The following FAM193A variants were observed in gnomAD, a reference collection of about 807,000 sequenced individuals.
FAM193A encodes family with sequence similarity 193 member A.
A neutral mutation model predicts 126.5 loss-of-function variants in FAM193A; 22 were observed. That is an observed-to-expected ratio of 0.17 (90% CI 0.12 to 0.25). FAM193A has a LOEUF of 0.25. FAM193A is among the 10% of genes least tolerant of loss of function. The pLI, the probability that FAM193A is intolerant of heterozygous loss-of-function variation, is 1.00. For synonymous variants in FAM193A, 761 were observed against 646.8 expected, an observed-to-expected ratio of 1.18 and a Z score of -2.68; for missense variants, 1,675 against 1,672.8, an observed-to-expected ratio of 1.00 and a Z score of -0.02.
chr4:2,611,194 G>C (rs1445763344), intron 2 of FAM193A, among the ~76,000 whole-genome samples: 2 of 152,292 alleles, frequency 1.3e-5, no homozygotes, highest in East Asian at 3.9e-4. Context: ...GATATTGGCA[G>C]TCTTTACTTA....
intron 12 of FAM193A, among the ~76,000 whole-genome samples, chr4:2,668,245 G>A (rs1713361395): frequency 7.3e-6 from 1 of 137,472 alleles, no homozygotes; most frequent in South Asian, 2.3e-4. Context: ...ACAGAGTCTC[G>A]CTCTGTCACC....
At chr4:2,640,822 G>A (rs1251709105) in intron 6 of FAM193A, among the ~76,000 whole-genome samples, 3 of 151,770 alleles carry the variant, frequency 2.0e-5, no homozygotes, top group Admixed American at 2.0e-4. Flanking sequence ...AAAATTAGCC[G>A]GGCTTGGTGG....
rs1342945609 is a variant in FAM193A at position 2,659,871 on chromosome 4, C to A, written c.1562C>A (p.Pro521His). 1 of 1,614,092 alleles carries A rather than the reference C, an allele frequency of 6.2e-7. No homozygotes were observed. Among genetic ancestry groups the A allele is most frequent in the Admixed American group, 1.7e-5 (1 of 60,026 alleles). Residue 521 changes from proline to histidine, a missense_variant, in exon 10 of 21, where the codon CCC becomes CAC. Around this residue, in one of 4 missense-constraint regions of FAM193A, gnomAD observed 1,186 missense variants for 1,109.2 expected, o/e 1.07. Transcript: ENST00000637812. Reference protein sequence around the residue: ...HILTCGIMDPPVTDDIHIHQL... With the variant: ...HILTCGIMDPHVTDDIHIHQL... ...CTCACGTGTGGTATCATGGACCCCCCCGTCACTGATGACATCCACATTCAC... is the reference window on the plus strand; with the variant it reads ...CTCACGTGTGGTATCATGGACCCCCACGTCACTGATGACATCCACATTCAC...
rs1170025017 is a variant in FAM193A at position 2,606,045 on chromosome 4, CTTTTT to C, written c.501+9735_501+9739del. ...CGTGTTTTGTATATTTTGCAAACCT[CTTTTT>C]TTTTTTTTTTTTTTTTTTGAGACAG... On this transcript the variant is annotated intron_variant, in intron 2 of 20. Coordinates refer to ENST00000637812, the MANE Select transcript of FAM193A (RefSeq NM_001366318.2). Among the ~76,000 whole-genome samples, 20 of 61,006 alleles carry C rather than the reference CTTTTT, an allele frequency of 3.3e-4. 1 individual carries two copies. Among genetic ancestry groups the C allele is most frequent in the East Asian group, 1.2e-3 (2 of 1,706 alleles). The allele number at this position is 61,006 out of a possible 152,430, so 40.0% of individuals were successfully genotyped here.
rs1577161921 is a variant in FAM193A at position 2,663,190 on chromosome 4, C to T, written c.1981C>T (p.Pro661Ser). ...EADGESSGEP[P>S]GAPKEDGVLG... Reference sequence around the variant, plus strand: ...GGACGGCGAGAGTAGTGGGGAGCCCCCAGGGGCCCCGAAGGAAGATGGAGT... The same window carrying T: ...GGACGGCGAGAGTAGTGGGGAGCCCTCAGGGGCCCCGAAGGAAGATGGAGT... Residue 661 changes from proline to serine, a missense_variant, in exon 12 of 21, where the codon CCA becomes TCA. Coordinates refer to ENST00000637812, the MANE Select transcript of FAM193A (RefSeq NM_001366318.2). 1 of 1,614,150 alleles carries T rather than the reference C, an allele frequency of 6.2e-7. No homozygotes were observed. The highest frequency in any genetic ancestry group is 8.5e-7 in the Non-Finnish European group (1 of 1,180,028).
intron 19 of FAM193A, 82 bp downstream of exon 19, chr4:2,700,626 G>T: frequency 6.6e-7 from 1 of 1,514,136 alleles, no homozygotes; most frequent in Non-Finnish European, 8.9e-7. Flanking sequence ...AAAACACTGG[G>T]TTTGGCATGC....
chr4:2,552,187 A>G (rs1476740935), intron 1 of FAM193A, among the ~76,000 whole-genome samples: 2 of 151,472 alleles, frequency 1.3e-5, no homozygotes, highest in Non-Finnish European at 2.9e-5. Context: ...AATTTTTTGT[A>G]TTTTTAGTAG....
chr4:2,659,302 G>A (rs1176288068), intron 8 of FAM193A, among the ~76,000 whole-genome samples: 1 of 152,162 alleles, frequency 6.6e-6, no homozygotes, highest in African/African-American at 2.4e-5. Context: ...TGCATCAGGT[G>A]TGTGCTGTGA....
intron 15 of FAM193A, 88 bp from the exon 16 acceptor site, chr4:2,693,498 G>A: frequency 8.1e-7 from 1 of 1,236,600 alleles, no homozygotes. Context: ...GGATGAATGG[G>A]TACTCTTTGT....
At chr4:2,620,836 C>CAAAAAAAAAAAAAAAAAAAAAAAAAAA (rs34305537) in intron 2 of FAM193A, among the ~76,000 whole-genome samples, 6 of 69,090 alleles carry the variant, frequency 8.7e-5, no homozygotes, top group African/African-American at 1.2e-4. Flanking sequence ...AACTCCGTCT[C>CAAAAAAAAAAAAAAAAAAAAAAAAAAA]AAAAAAAAAA....
In FAM193A at chr4:2,631,153, C is replaced by T; in HGVS notation, c.1022C>T (p.Thr341Ile). The T allele has an allele frequency of 4.4e-6, 7 of 1,609,090 alleles. No homozygotes were observed. Among genetic ancestry groups the T allele is most frequent in the East Asian group, 2.2e-5 (1 of 44,784 alleles). ...ALCQAARSIS[T>I]FLGTLENEHL... Reference sequence around the variant, plus strand: ...TGCCAGGCCGCACGCTCCATCAGCACCTTCCTTGGCACTCTGGTAAGAGAG... The same window carrying T: ...TGCCAGGCCGCACGCTCCATCAGCATCTTCCTTGGCACTCTGGTAAGAGAG... Residue 341 changes from threonine to isoleucine, a missense_variant, in exon 5 of 21, where the codon ACC (threonine) becomes ATC (isoleucine). Thr to Ile is a moderately conservative substitution (Grantham distance 89). Coordinates refer to ENST00000637812, the MANE Select transcript of FAM193A (RefSeq NM_001366318.2).
intron 2 of FAM193A, among the ~76,000 whole-genome samples, chr4:2,622,797 G>A (rs371710287): frequency 2.5e-4 from 38 of 152,014 alleles, no homozygotes; most frequent in African/African-American, 7.5e-4. Flanking sequence ...TTCCATTCAC[G>A]AAGACTCCGA....
In FAM193A at chr4:2,696,574, C is replaced by A. The variant is rs750788811; in HGVS notation, c.3488C>A (p.Ala1163Glu). ...PVSSTRAAKRARHKQRKLEEK... is the reference protein window; with the variant it reads ...PVSSTRAAKRERHKQRKLEEK... The stretch of plus-strand genomic sequence containing the variant: ...AGCAGCACGCGTGCAGCGAAGCGAG[C>A]AAGGCATAAGCAAAGGAAGGCAAGT... The change falls in exon 18 of 21, where the codon GCA (alanine) becomes GAA (glutamate). Residue 1163 changes from alanine (A) to glutamate (E), a missense_variant. Ala to Glu is a moderately radical substitution (Grantham distance 107). Transcript: ENST00000637812. The A allele has an allele frequency of 6.2e-7, 1 of 1,614,080 alleles. No homozygotes were observed. Among genetic ancestry groups the A allele is most frequent in the Non-Finnish European group, 8.5e-7 (1 of 1,179,932 alleles).
chr4:2,603,987 C>T (rs1455768006), intron 2 of FAM193A, among the ~76,000 whole-genome samples: 1 of 151,612 alleles, frequency 6.6e-6, no homozygotes, highest in East Asian at 1.9e-4. Context: ...GGATTACAGG[C>T]GTGTGTCACC....
intron 1 of FAM193A, among the ~76,000 whole-genome samples, chr4:2,580,275 G>A (rs531499970): frequency 2.6e-5 from 4 of 152,218 alleles, no homozygotes; most frequent in Admixed American, 6.5e-5. Flanking sequence ...GCTTATAGCC[G>A]ATGAGAACAC....
intron 1 of FAM193A, among the ~76,000 whole-genome samples, chr4:2,555,705 C>T (rs901081195): frequency 6.6e-6 from 1 of 151,992 alleles, no homozygotes; most frequent in Non-Finnish European, 1.5e-5. Context: ...GCAAGCTCTG[C>T]CTCCCGGGCT....
chr4:2,590,478 A>C (rs1475005611), intron 1 of FAM193A, among the ~76,000 whole-genome samples: 2,385 of 92,792 alleles, frequency 0.026, 409 homozygotes, highest in African/African-American at 0.16. Context: ...AAAAAAAACA[A>C]AAAAAAACAA....
intron 20 of FAM193A, among the ~76,000 whole-genome samples, chr4:2,730,006 A>G (rs961095741): frequency 1.3e-5 from 2 of 152,174 alleles, no homozygotes; most frequent in Admixed American, 6.5e-5. Flanking sequence ...CCCAGGCTCA[A>G]GGATCCTCCC....
intron 2 of FAM193A, among the ~76,000 whole-genome samples, chr4:2,623,460 G>T (rs1429121529): frequency 6.6e-6 from 1 of 151,798 alleles, no homozygotes; most frequent in Admixed American, 6.6e-5. Flanking sequence ...GTGAGCCACC[G>T]CGCCTGGCCG....
Sources: gnomAD v4.1 joint callset for allele counts (sites outside exome capture counted in the v4.1 genomes callset) on GRCh38, gnomAD v4.1.1 for gene constraint, gnomAD v4.1.1 regional missense constraint, MANE v1.5 for transcripts, NCBI Gene and HGNC (gene_info 2026-07-23, HGNC 2026-07-21) for gene names.